Variants in ARHGAP32 observed in about 807,000 individuals in gnomAD.
ARHGAP32 encodes rho GTPase-activating protein 32.
In ARHGAP32, 51 loss-of-function variants were observed where a neutral mutation model predicts 186.5. The ratio of observed to expected loss-of-function variants is 0.27; its 90% CI spans 0.22 to 0.35. ARHGAP32 has a LOEUF of 0.35. ARHGAP32 is among the 10% of genes least tolerant of loss of function. The pLI, the probability that ARHGAP32 is intolerant of heterozygous loss-of-function variation, is 1.00. For missense variants in ARHGAP32, 2,186 were observed against 2,623.5 expected, an observed-to-expected ratio of 0.83 and a Z score of 3.64; for synonymous variants, 950 against 964.3, an observed-to-expected ratio of 0.99 and a Z score of 0.27.
At chr11:129,051,953 C>CAAAAAAAAA (rs36014500) in intron 10 of ARHGAP32, among the ~76,000 whole-genome samples, 3 of 71,138 alleles carry the variant, frequency 4.2e-5, no homozygotes, top group African/African-American at 1.2e-4. Context: ...GATTCTGTCT[C>CAAAAAAAAA]AAAAAAAAAA....
At chr11:129,139,065 A>T (rs887152229) in intron 2 of ARHGAP32, among the ~76,000 whole-genome samples, 1 of 152,192 alleles carries the variant, frequency 6.6e-6, no homozygotes, top group African/African-American at 2.4e-5. Context: ...TCAAAATTTT[A>T]TATTTTAAAA....
At chr11:129,052,681 G>A (rs1205324315) in intron 10 of ARHGAP32, among the ~76,000 whole-genome samples, 1 of 150,860 alleles carries the variant, frequency 6.6e-6, no homozygotes, top group Non-Finnish European at 1.5e-5. Flanking sequence ...TACATTTTCT[G>A]ACTGAAGTGA....
intron 14 of ARHGAP32, among the ~76,000 whole-genome samples, 199 bp from the exon 15 acceptor site, chr11:128,986,284 A>T (rs1945870821): frequency 6.6e-6 from 1 of 152,222 alleles, no homozygotes; most frequent in Non-Finnish European, 1.5e-5. Flanking sequence ...AATTTTAAAA[A>T]GGCTTGATGG....
chr11:129,076,806 C>G (rs1242500561), intron 6 of ARHGAP32, among the ~76,000 whole-genome samples: 1 of 152,158 alleles, frequency 6.6e-6, no homozygotes, highest in African/African-American at 2.4e-5. Context: ...TGTGGAGGCT[C>G]ACATCATGAA....
chr11:128,985,955 G>A (rs947549983), intron 15 of ARHGAP32, 48 bp downstream of exon 15: 3 of 1,447,620 alleles, frequency 2.1e-6, no homozygotes, highest in Admixed American at 2.4e-5. Context: ...AACGTTTACA[G>A]GTCAACCGAC....
chr11:129,129,298 C>T (rs959093866), intron 2 of ARHGAP32, among the ~76,000 whole-genome samples: 5 of 147,440 alleles, frequency 3.4e-5, no homozygotes, highest in Admixed American at 6.7e-5. Context: ...AAGTGAGGAC[C>T]CCCTCCGCCC....
chr11:129,273,259 C>G (rs935620199), intron 1 of ARHGAP32, among the ~76,000 whole-genome samples: 1 of 152,214 alleles, frequency 6.6e-6, no homozygotes, highest in Non-Finnish European at 1.5e-5. Flanking sequence ...CTATCTTCCA[C>G]TGCTTGAAGC....
Position 129,164,351 on chromosome 11 carries a change from G to T in ARHGAP32, c.193C>A (p.Arg65=). The change falls in exon 2 of 23, where the codon CGG becomes AGG. Residue 65 remains arginine, a synonymous_variant. Coordinates refer to ENST00000682385, the MANE Select transcript of ARHGAP32 (RefSeq NM_001378024.1). ...CTAAGAGTTTCTTCCCAATCAGGCC[G>T]CTCTCGAGGGTGTACATTTCTATGT... ...ELHRNVHPRE[R]PDWEETLSAM... is the part of the protein sequence containing the mutation. The T allele has an allele frequency of 6.3e-7, 1 of 1,580,226 alleles. No homozygotes were observed.
chr11:129,034,604 G>C (rs1939246017), intron 11 of ARHGAP32, among the ~76,000 whole-genome samples: 2 of 151,198 alleles, frequency 1.3e-5, no homozygotes, highest in South Asian at 4.2e-4. Context: ...CTTTATGCGA[G>C]AAAAGAAAAA....
intron 2 of ARHGAP32, among the ~76,000 whole-genome samples, chr11:129,150,376 A>C (rs1048733439): frequency 6.6e-6 from 1 of 152,146 alleles, no homozygotes; most frequent in African/African-American, 2.4e-5. Flanking sequence ...AGGTTATCTA[A>C]ATCCCTCATA....
At chr11:129,025,751 T>C (rs1938811032) in intron 11 of ARHGAP32, among the ~76,000 whole-genome samples, 2 of 151,428 alleles carry the variant, frequency 1.3e-5, no homozygotes, top group African/African-American at 4.8e-5. Flanking sequence ...CATTTGGGAA[T>C]ACTTAGAACA....
intron 1 of ARHGAP32, among the ~76,000 whole-genome samples, chr11:129,274,236 G>A (rs1227459426): frequency 1.3e-5 from 2 of 152,058 alleles, no homozygotes; most frequent in Non-Finnish European, 2.9e-5. Flanking sequence ...TTACTACCTT[G>A]GGGAATATTC....
chr11:129,272,338 G>A (rs754868458), intron 1 of ARHGAP32, among the ~76,000 whole-genome samples: 13 of 152,230 alleles, frequency 8.5e-5, no homozygotes, highest in South Asian at 4.1e-4. Context: ...TCCATCCCCC[G>A]CTAAGGTATT....
intron 14 of ARHGAP32, 138 bp downstream of exon 14, chr11:128,986,386 G>T: frequency 1.1e-6 from 1 of 887,546 alleles, no homozygotes; most frequent in Non-Finnish European, 1.7e-6. Context: ...CGACTAGCTG[G>T]CAATATTTGT....
At chr11:129,118,592 G>A (rs1044547661) in intron 5 of ARHGAP32, among the ~76,000 whole-genome samples, 3 of 151,924 alleles carry the variant, frequency 2.0e-5, no homozygotes, top group Admixed American at 6.6e-5. Flanking sequence ...AACCTAATGA[G>A]CAATAATCAA....
chr11:129,065,891 T>C (rs1235545988), intron 7 of ARHGAP32, among the ~76,000 whole-genome samples: 2 of 152,150 alleles, frequency 1.3e-5, no homozygotes, highest in African/African-American at 4.8e-5. Flanking sequence ...TTCTTATAAA[T>C]GACTTGGCTT....
intron 11 of ARHGAP32, among the ~76,000 whole-genome samples, chr11:129,014,024 C>T (rs1177653866): frequency 2.6e-5 from 4 of 152,086 alleles, no homozygotes; most frequent in African/African-American, 7.2e-5. Context: ...ATGGTATTTC[C>T]ACAGATAAAA....
intron 2 of ARHGAP32, among the ~76,000 whole-genome samples, chr11:129,161,960 G>T (rs1271977206): frequency 6.6e-6 from 1 of 152,138 alleles, no homozygotes; most frequent in Admixed American, 6.5e-5. Flanking sequence ...GGAATACTAT[G>T]CAGCCATAAA....
intron 1 of ARHGAP32, among the ~76,000 whole-genome samples, chr11:129,277,804 T>C (rs1945550866): frequency 1.3e-5 from 2 of 152,146 alleles, no homozygotes; most frequent in South Asian, 4.1e-4. Context: ...ACAGCCCCAT[T>C]AAAAAGAAAA....
Sources: allele counts gnomAD v4.1 joint callset (sites outside exome capture counted in the v4.1 genomes callset), GRCh38; gene constraint gnomAD v4.1.1; transcripts MANE v1.5; gene names NCBI Gene and HGNC (gene_info 2026-07-23, HGNC 2026-07-21).